The following GPR39 variants were observed in gnomAD, a reference collection of about 807,000 sequenced individuals.
GPR39 encodes the protein G protein-coupled receptor 39.
In GPR39, 23 loss-of-function variants were observed where a neutral mutation model predicts 18.4. That is an observed-to-expected ratio of 1.25 (90% CI 0.90 to 1.77). The LOEUF is 1.77. Among genes scored for constraint, GPR39 ranks in the 40% most tolerant of loss-of-function variants. The probability of loss-of-function intolerance (pLI) is 0.00; values close to 1 mark genes in which losing one functional copy is unlikely to be tolerated. For missense variants in GPR39, 647 were observed against 602.4 expected, an observed-to-expected ratio of 1.07 and a Z score of -0.78; for synonymous variants, 280 against 257.9, an observed-to-expected ratio of 1.09 and a Z score of -0.82.
At chr2:132,579,044 G>A (rs1680579013) in intron 1 of GPR39, among the ~76,000 whole-genome samples, 1 of 151,276 alleles carries the variant, frequency 6.6e-6, no homozygotes, top group African/African-American at 2.4e-5. Context: ...TCTTGAGGGT[G>A]GAAGCCTAGA....
At chr2:132,438,807 C>A (rs1680380567) in intron 1 of GPR39, among the ~76,000 whole-genome samples, 1 of 152,034 alleles carries the variant, frequency 6.6e-6, no homozygotes, top group African/African-American at 2.4e-5. Flanking sequence ...TCTGTCATAC[C>A]CTGAGGGTAC....
At chr2:132,558,337 G>C (rs1451043934) in intron 1 of GPR39, among the ~76,000 whole-genome samples, 1 of 151,970 alleles carries the variant, frequency 6.6e-6, no homozygotes, top group African/African-American at 2.4e-5. Context: ...TCATGGGGGA[G>C]GCTCTCCCAC....
At chr2:132,553,531 G>C (rs1680094009) in intron 1 of GPR39, among the ~76,000 whole-genome samples, 1 of 151,972 alleles carries the variant, frequency 6.6e-6, no homozygotes, top group Non-Finnish European at 1.5e-5. Flanking sequence ...GAGAGAATGG[G>C]GAGTGACACA....
At chr2:132,637,587 G>T (rs1017936813) in intron 1 of GPR39, among the ~76,000 whole-genome samples, 1 of 152,232 alleles carries the variant, frequency 6.6e-6, no homozygotes, top group Non-Finnish European at 1.5e-5. Context: ...AAATTCCTCA[G>T]TAGGAAAAAG....
intron 1 of GPR39, among the ~76,000 whole-genome samples, chr2:132,538,807 G>A (rs1018936639): frequency 3.3e-5 from 5 of 152,166 alleles, no homozygotes; most frequent in East Asian, 1.9e-4. Context: ...CAGCTGCTTC[G>A]CTGTGCTGTG....
intron 1 of GPR39, among the ~76,000 whole-genome samples, chr2:132,438,573 C>CTTTTTTTTTTTTT (rs35614907): frequency 2.0e-5 from 2 of 97,764 alleles, no homozygotes; most frequent in East Asian, 3.5e-4. Flanking sequence ...TGTCAGCAAG[C>CTTTTTTTTTTTTT]TTTTTTTTTT....
At chr2:132,500,654 G>A (rs1362443108) in intron 1 of GPR39, among the ~76,000 whole-genome samples, 1 of 152,110 alleles carries the variant, frequency 6.6e-6, no homozygotes, top group Non-Finnish European at 1.5e-5. Flanking sequence ...AACAGGATTG[G>A]TACCAATTCT....
intron 1 of GPR39, among the ~76,000 whole-genome samples, chr2:132,581,554 G>A (rs571685334): frequency 1.1e-4 from 16 of 152,080 alleles, no homozygotes; most frequent in Non-Finnish European, 2.2e-4. Context: ...CAAAGACCAA[G>A]AATCTAGAAT....
chr2:132,558,373 T>C (rs1356485218), intron 1 of GPR39, among the ~76,000 whole-genome samples: 1 of 152,038 alleles, frequency 6.6e-6, no homozygotes, highest in Non-Finnish European at 1.5e-5. Context: ...GGACAAGGAA[T>C]CCCACACACC....
At chr2:132,577,977 G>T (rs774035312) in intron 1 of GPR39, among the ~76,000 whole-genome samples, 13 of 151,514 alleles carry the variant, frequency 8.6e-5, no homozygotes, top group Admixed American at 2.0e-4. Context: ...AAGCATTGAG[G>T]CTTTCATTAA....
At chr2:132,571,984 C>T (rs1680447950) in intron 1 of GPR39, among the ~76,000 whole-genome samples, 2 of 152,082 alleles carry the variant, frequency 1.3e-5, no homozygotes, top group African/African-American at 2.4e-5. Context: ...GGGCAAGCTA[C>T]AAAAGCGCGT....
chr2:132,423,972 A>C (rs1248116411), intron 1 of GPR39, among the ~76,000 whole-genome samples: 3 of 152,188 alleles, frequency 2.0e-5, no homozygotes, highest in Non-Finnish European at 2.9e-5. Context: ...GAGGTTTATC[A>C]TTCCTCAAAA....
At chr2:132,584,510 G>A (rs148261618) in intron 1 of GPR39, among the ~76,000 whole-genome samples, 368 of 152,218 alleles carry the variant, frequency 2.4e-3, no homozygotes, top group Non-Finnish European at 4.5e-3. Context: ...AGAGGGCAGG[G>A]AGGTTGAAAG....
At chr2:132,452,594 A>C (rs965078074) in intron 1 of GPR39, among the ~76,000 whole-genome samples, 17 of 152,060 alleles carry the variant, frequency 1.1e-4, no homozygotes, top group Middle Eastern at 3.2e-3. Context: ...CATCATTTAC[A>C]TTAGGTGTTT....
At chr2:132,544,592 T>G (rs189843315) in intron 1 of GPR39, among the ~76,000 whole-genome samples, 3 of 152,378 alleles carry the variant, frequency 2.0e-5, no homozygotes, top group African/African-American at 4.8e-5. Flanking sequence ...CTTGGCCTGC[T>G]GGGCCATGCC....
chr2:132,419,545 G>T (rs13408359), intron 1 of GPR39, among the ~76,000 whole-genome samples: 1 of 152,264 alleles, frequency 6.6e-6, no homozygotes, highest in Non-Finnish European at 1.5e-5. Flanking sequence ...TTGGGACTTG[G>T]GAAGCGTACC....
At chr2:132,571,706 T>G (rs1680443518) in intron 1 of GPR39, among the ~76,000 whole-genome samples, 1 of 152,060 alleles carries the variant, frequency 6.6e-6, no homozygotes, top group African/African-American at 2.4e-5. Flanking sequence ...GGTCAGGAAG[T>G]GTGAACAGTG....
chr2:132,463,085 G>T (rs1477972297), intron 1 of GPR39, among the ~76,000 whole-genome samples: 1 of 152,148 alleles, frequency 6.6e-6, no homozygotes, highest in African/African-American at 2.4e-5. Flanking sequence ...TCGTGCACCA[G>T]GCACTGTTCT....
At chr2:132,520,442 C>T (rs1324170211) in intron 1 of GPR39, among the ~76,000 whole-genome samples, 1 of 152,176 alleles carries the variant, frequency 6.6e-6, no homozygotes, top group Non-Finnish European at 1.5e-5. Flanking sequence ...ACCCATGATG[C>T]AGTGGTTTCT....
Sources: allele counts gnomAD v4.1 joint callset (sites outside exome capture counted in the v4.1 genomes callset), GRCh38; gene constraint gnomAD v4.1.1; transcripts MANE v1.5; gene names NCBI Gene and HGNC (gene_info 2026-07-23, HGNC 2026-07-21).